Variants in SUCO observed in about 807,000 individuals in gnomAD.
The protein encoded by SUCO is SUN domain containing ossification factor.
SUCO carries 57 observed loss-of-function variants against 148.1 expected under a neutral mutation model. The observed-to-expected ratio is 0.38, with a 90% CI of 0.31 to 0.48. SUCO has a LOEUF of 0.48. Among genes scored for constraint, SUCO ranks in the 20% least tolerant of loss-of-function variants. The probability of loss-of-function intolerance (pLI) is 0.96; values close to 1 mark genes in which losing one functional copy is unlikely to be tolerated. For missense variants in SUCO, 1,331 were observed against 1,468.2 expected (o/e 0.91, Z 1.53); for synonymous variants, 470 against 502.7 (o/e 0.93, Z 0.87).
chr1:172,590,849 A>G (rs1656599864), intron 18 of SUCO, 135 bp from the exon 19 acceptor site: 1 of 589,544 alleles, frequency 1.7e-6, no homozygotes, highest in East Asian at 3.0e-5. Flanking sequence ...ATAGAATTGT[A>G]TTGCATAGGC....
At chr1:172,602,595 G>C (rs1416081856) in intron 21 of SUCO, 101 bp from the exon 22 acceptor site, 5 of 1,528,130 alleles carry the variant, frequency 3.3e-6, no homozygotes, top group Non-Finnish European at 3.5e-6. Context: ...GTCCCGTGTG[G>C]TATGTACAGT....
At chr1:172,583,849 C>T (rs1656049166) in intron 15 of SUCO, among the ~76,000 whole-genome samples, 1 of 152,182 alleles carries the variant, frequency 6.6e-6, no homozygotes, top group South Asian at 2.1e-4. Flanking sequence ...CTTCTATTCC[C>T]AGTACCATTT....
At chr1:172,545,863 A>G (rs1015386926) in intron 1 of SUCO, among the ~76,000 whole-genome samples, 2 of 152,192 alleles carry the variant, frequency 1.3e-5, no homozygotes, top group African/African-American at 2.4e-5. Context: ...GTTGAGGCAT[A>G]TAGGCTGGCC....
intron 21 of SUCO, 155 bp downstream of exon 21, chr1:172,602,373 A>G: frequency 1.0e-6 from 1 of 977,230 alleles, no homozygotes; most frequent in Non-Finnish European, 1.2e-6. Flanking sequence ...CGATAGTAAG[A>G]TGGTCCTATG....
At chr1:172,608,077 C>G (rs1014552262) in intron 22 of SUCO, 2 of 984,642 alleles carry the variant, frequency 2.0e-6, no homozygotes, top group Non-Finnish European at 2.4e-6. Flanking sequence ...TATCTTGAAG[C>G]TGCTTAGAGT....
At chr1:172,578,573 C>T (rs905179294) in intron 14 of SUCO, 184 bp downstream of exon 14, 5 of 957,670 alleles carry the variant, frequency 5.2e-6, no homozygotes, top group South Asian at 9.7e-5. Context: ...GCTTTGTATT[C>T]GTATTGCTTT....
rs80241907 is a variant in SUCO, at chr1:172,577,071, A to G, written c.1264-468A>G. 9.8e-3 allele frequency: 6,981 copies of G among 708,772 alleles called. 48 individuals carry two copies. Among genetic ancestry groups the G allele is most frequent in the Middle Eastern group, 0.014 (19 of 1,364 alleles). 43.9% of individuals were successfully genotyped at this position (708,772 alleles called of 1,614,324 possible). Reference sequence around the variant, plus strand: ...TTGTATATAATATACAAGTATAAATATCATTCCATAATGGACTGTTACCAA... The same window carrying G: ...TTGTATATAATATACAAGTATAAATGTCATTCCATAATGGACTGTTACCAA... On this transcript the variant is annotated intron_variant, in intron 11 of 23. Transcript: ENST00000263688.
intron 1 of SUCO, among the ~76,000 whole-genome samples, chr1:172,547,450 G>C (rs553501734): frequency 3.9e-5 from 6 of 152,036 alleles, no homozygotes; most frequent in African/African-American, 9.7e-5. Context: ...TATGCTTTTC[G>C]ATACAATATC....
intron 9 of SUCO, among the ~76,000 whole-genome samples, chr1:172,572,290 G>A (rs551367627): frequency 1.3e-5 from 2 of 151,608 alleles, no homozygotes; most frequent in Non-Finnish European, 1.5e-5. Context: ...TTGAGAAATC[G>A]GATGGTTGCC....
intron 1 of SUCO, chr1:172,542,733 T>C: frequency 1.0e-6 from 1 of 985,308 alleles, no homozygotes; most frequent in Non-Finnish European, 1.2e-6. Flanking sequence ...ATAGAGGGAA[T>C]CATTTTTGAA....
chr1:172,597,609 T>C (rs1657215551), intron 19 of SUCO, among the ~76,000 whole-genome samples: 1 of 152,240 alleles, frequency 6.6e-6, no homozygotes, highest in South Asian at 2.1e-4. Flanking sequence ...ACCTTTTTTT[T>C]CCCCCTATCT....
At chr1:172,560,256 T>A (rs61806143) in intron 6 of SUCO, among the ~76,000 whole-genome samples, 1,707 of 152,284 alleles carry the variant, frequency 0.011, 13 homozygotes, top group Non-Finnish European at 0.019. Flanking sequence ...TAAAAGCCAG[T>A]TGAGACTTGC....
intron 3 of SUCO, among the ~76,000 whole-genome samples, chr1:172,555,162 G>C (rs1319127213): frequency 6.6e-6 from 1 of 152,182 alleles, no homozygotes. Flanking sequence ...AGTTCTTACT[G>C]AGGACATTTA....
rs778008513 is a variant in SUCO at position 172,608,972 on chromosome 1, C to T, written c.3321+170C>T. On this transcript the variant is annotated intron_variant, in intron 23 of 23. Coordinates refer to ENST00000263688, the MANE Select transcript of SUCO (RefSeq NM_014283.5). ...TTAACAGGGGTCAGCAAGCTGTGACCCACAGGCCATATGGGCCATGAGCCA... is the reference window on the plus strand; with the variant it reads ...TTAACAGGGGTCAGCAAGCTGTGACTCACAGGCCATATGGGCCATGAGCCA... Among the ~76,000 whole-genome samples, 5 of 151,862 alleles carry T rather than the reference C, an allele frequency of 3.3e-5. No homozygotes were observed. In the East Asian group the frequency reaches 7.7e-4, roughly 23 times the overall value.
At chr1:172,597,376 C>T (rs1657190407) in intron 19 of SUCO, among the ~76,000 whole-genome samples, 1 of 152,214 alleles carries the variant, frequency 6.6e-6, no homozygotes, top group Non-Finnish European at 1.5e-5. Flanking sequence ...ATGCTGGGGG[C>T]TGTAGACTGG....
At chr1:172,579,431 A>C (rs900813020) in intron 15 of SUCO, among the ~76,000 whole-genome samples, 164 bp downstream of exon 15, 1 of 152,092 alleles carries the variant, frequency 6.6e-6, no homozygotes, top group African/African-American at 2.4e-5. Context: ...ATGCGATAAG[A>C]ATATATGAAA....
intron 6 of SUCO, among the ~76,000 whole-genome samples, chr1:172,562,829 G>A (rs913498097): frequency 6.6e-6 from 1 of 152,140 alleles, no homozygotes; most frequent in African/African-American, 2.4e-5. Flanking sequence ...CAAACCTCAT[G>A]TTGAGTTGTA....
rs116281587 is a variant in SUCO, at chr1:172,560,094, G to A, written c.732+2300G>A. Among the ~76,000 whole-genome samples the A allele has an allele frequency of 1.9e-3, 286 of 152,272 alleles. 1 individual carries two copies. Among genetic ancestry groups the A allele is most frequent in the African/African-American group, 6.7e-3 (278 of 41,546 alleles). ...TGAAAATCTTTGGATAACTGATAGG[G>A]GCCCAGAGACAGGATGAGTTGGAAG... On this transcript the variant is annotated intron_variant, in intron 6 of 23. Coordinates refer to ENST00000263688, the MANE Select transcript of SUCO (RefSeq NM_014283.5).
At chr1:172,609,426 A>G in intron 23 of SUCO, 6 of 925,398 alleles carry the variant, frequency 6.5e-6, no homozygotes, top group Non-Finnish European at 6.4e-6. Flanking sequence ...TTGGGCAAAG[A>G]ACCAAACATC....
Sources: gnomAD v4.1 joint callset for allele counts (sites outside exome capture counted in the v4.1 genomes callset) on GRCh38, gnomAD v4.1.1 for gene constraint, MANE v1.5 for transcripts, NCBI Gene and HGNC (gene_info 2026-07-23, HGNC 2026-07-21) for gene names.